Variants in FNDC1 observed in about 807,000 individuals in gnomAD.
FNDC1 encodes the protein fibronectin type III domain-containing protein 1.
Under a neutral mutation model 168.0 loss-of-function variants are expected in FNDC1, and 96 were observed. That is an observed-to-expected ratio of 0.57 (90% CI 0.48 to 0.68). The LOEUF (loss-of-function observed/expected upper bound fraction) is 0.68. Among genes scored for constraint, FNDC1 ranks in the 30% least tolerant of loss-of-function variants. The pLI is 0.00. For synonymous variants in FNDC1, 1,099 were observed against 1,025.9 expected, an observed-to-expected ratio of 1.07 and a Z score of -1.36; for missense variants, 2,587 against 2,482.1, an observed-to-expected ratio of 1.04 and a Z score of -0.90.
chr6:159,214,895 ACT>A lies in FNDC1; in HGVS notation c.461-47_461-46del, dbSNP rs144779484. ...GAAGACCTCATGTGCATGATGGCAA[ACT>A]CTAAGTGGTCTACTGTCTAACCACT... On this transcript the variant is annotated intron_variant, in intron 4 of 22. Transcript: ENST00000297267. 5,220 of 1,561,332 alleles carry A rather than the reference ACT, an allele frequency of 3.3e-3. 169 individuals are homozygous for A. In the African/African-American group the frequency reaches 0.064, roughly 19 times the overall value.
intron 19 of FNDC1, 88 bp from the exon 20 acceptor site, chr6:159,264,887 T>TTA (rs1777557730): frequency 9.5e-7 from 1 of 1,056,268 alleles, no homozygotes; most frequent in Admixed American, 2.8e-5. Flanking sequence ...TCTAATTTGG[T>TTA]TAGCTATTTC....
chr6:159,216,516 C>T (rs567257540), intron 5 of FNDC1, among the ~76,000 whole-genome samples: 11 of 152,300 alleles, frequency 7.2e-5, no homozygotes, highest in South Asian at 2.1e-4. Flanking sequence ...CACGACTTGT[C>T]GACTTATCCC....
chr6:159,233,588 C>T lies in FNDC1; in HGVS notation c.3076C>T (p.Arg1026Trp), dbSNP rs369526486. ...HPGPQSRDAG[R>W]SPSQPRLSLT... ...GGGACCCCAGAGCAGAGACGCGGGT[C>T]GGTCACCTTCCCAGCCCAGGCTCTC... The change falls in exon 11 of 23, where the codon CGG becomes TGG. Residue 1026 changes from arginine (R) to tryptophan (W), a missense_variant. By Grantham distance (101) the Arg-to-Trp change is moderately radical. Transcript: ENST00000297267. The surrounding 1 kb of genome is among the most constrained non-coding windows in gnomAD (Gnocchi z 4.6). 4 of 1,582,246 alleles carry T rather than the reference C, an allele frequency of 2.5e-6. No homozygotes were observed. The highest frequency in any genetic ancestry group is 1.1e-5 in the South Asian group (1 of 87,086).
Position 159,215,141 on chromosome 6 carries a change from T to G in FNDC1, c.657T>G (p.Ile219Met), listed in dbSNP as rs1286996960. Reference sequence around the variant, plus strand: ...CAAGAGATGAACGGACACACGAAATTAAAAAGCTAGGTGAGTTTCATATTC... The same window carrying G: ...CAAGAGATGAACGGACACACGAAATGAAAAAGCTAGGTGAGTTTCATATTC... Reference protein sequence around the residue: ...PLTRDERTHEIKKLASESVYV... With the variant: ...PLTRDERTHEMKKLASESVYV... The change falls in exon 5 of 23, where the codon ATT becomes ATG. Residue 219 changes from isoleucine to methionine, a missense_variant. Transcript: ENST00000297267. 3.7e-6 allele frequency: 6 copies of G among 1,613,626 alleles called. No individual in the cohort carries two copies. Among genetic ancestry groups the G allele is most frequent in the Non-Finnish European group, 5.1e-6 (6 of 1,179,520 alleles).
At position 159,269,303 on chromosome 6, in the gene FNDC1, T is replaced by A. The variant is rs1333118850; in HGVS notation, c.5569+1377T>A. ...ATCTATCTATCTATCCATCCATCCA[T>A]CTATCCTATCTATTTATCTAACTAT... On this transcript the variant is annotated intron_variant, in intron 22 of 22. Transcript: ENST00000297267. Among the ~76,000 whole-genome samples, 63 of 111,446 alleles carry A rather than the reference T, an allele frequency of 5.7e-4. 2 individuals carry two copies. Among genetic ancestry groups the A allele is most frequent in the Non-Finnish European group, 8.7e-4 (42 of 48,356 alleles). 73.1% of individuals were successfully genotyped at this position (111,446 alleles called of 152,430 possible). A position where few individuals can be genotyped will look rare whatever the true frequency, so the allele number is the denominator to read the frequency against.
At position 159,251,532 on chromosome 6, in the gene FNDC1, G is replaced by C. The variant is rs1206921379; in HGVS notation, c.5065G>C (p.Gly1689Arg). The change falls in exon 17 of 23, where the codon GGT becomes CGT. Residue 1689 changes from glycine to arginine, a missense_variant and splice_region_variant. Gly to Arg is a moderately radical substitution (Grantham distance 125). Transcript: ENST00000297267. ...DKATPGDVVT[G>R]YLVYSASYED... The stretch of plus-strand genomic sequence containing the variant: ...AGCCACCCCAGGAGATGTGGTCACA[G>C]GTGTGTCCTAAGCAGAAATCAGAGT... 1 of 1,612,262 alleles carries C rather than the reference G, an allele frequency of 6.2e-7. No homozygotes were observed.
chr6:159,234,500 G>C (rs774391342), intron 11 of FNDC1, 21 bp downstream of exon 11: 2 of 1,611,150 alleles, frequency 1.2e-6, no homozygotes, highest in East Asian at 4.5e-5. Context: ...TTTTCAAACA[G>C]TCTTTCTTTA....
intron 1 of FNDC1, among the ~76,000 whole-genome samples, chr6:159,190,297 C>A (rs1382951449): frequency 6.6e-6 from 1 of 152,200 alleles, no homozygotes; most frequent in Non-Finnish European, 1.5e-5. Flanking sequence ...TCTGGCCTGT[C>A]CCCTGTCCCG....
intron 5 of FNDC1, among the ~76,000 whole-genome samples, chr6:159,217,084 C>T (rs530460915): frequency 6.6e-6 from 1 of 152,332 alleles, no homozygotes; most frequent in South Asian, 2.1e-4. Flanking sequence ...AGAAGGCAGC[C>T]TGGCACCCAT....
At chr6:159,264,365 A>G (rs960564255) in intron 19 of FNDC1, among the ~76,000 whole-genome samples, 1 of 152,198 alleles carries the variant, frequency 6.6e-6, no homozygotes, top group Non-Finnish European at 1.5e-5. Flanking sequence ...GGCTTCTCTC[A>G]CCTAGCATAA....
chr6:159,172,239 ATTGT>A (rs1327764477), intron 1 of FNDC1, among the ~76,000 whole-genome samples: 2 of 152,236 alleles, frequency 1.3e-5, no homozygotes, highest in African/African-American at 2.4e-5. Context: ...CACTGGTGTG[ATTGT>A]TTGTGTTATG....
rs1298973596 is a variant in FNDC1 at position 159,169,587 on chromosome 6, C to A, written c.-10C>A. 1.9e-6 allele frequency: 2 copies of A among 1,080,590 alleles called. No individual in the cohort carries two copies. The highest frequency in any genetic ancestry group is 5.1e-5 in the Admixed American group (1 of 19,468). 66.9% of individuals were successfully genotyped at this position (1,080,590 alleles called of 1,614,324 possible). On this transcript the variant is annotated 5_prime_UTR_variant, in exon 1 of 23. Transcript: ENST00000297267. This position sits in a 1 kb window ranked among gnomAD's most constrained non-coding sequence, Gnocchi z 6.8. ...GCAAGCACCCAGCCCCGGCCCACCC[C>A]GGGCTCTCGATGGCCCCCGAGGCCG...
At chr6:159,222,188 G>A (rs1049354862) in intron 6 of FNDC1, among the ~76,000 whole-genome samples, 1 of 152,110 alleles carries the variant, frequency 6.6e-6, no homozygotes, top group Non-Finnish European at 1.5e-5. Context: ...CATTTCCCAC[G>A]TCCCTTCACA....
chr6:159,255,852 T>C (rs1487263628), intron 17 of FNDC1, among the ~76,000 whole-genome samples: 1 of 152,204 alleles, frequency 6.6e-6, no homozygotes, highest in Non-Finnish European at 1.5e-5. Context: ...GAACTTTACT[T>C]TGCCTCCTGG....
intron 1 of FNDC1, among the ~76,000 whole-genome samples, chr6:159,185,002 T>G (rs1781962084): frequency 7.0e-6 from 1 of 142,900 alleles, no homozygotes; most frequent in Non-Finnish European, 1.5e-5. Flanking sequence ...ATAAATATAC[T>G]TATGGAATTC....
At chr6:159,230,212 TTAC>T (rs1202417599) in intron 10 of FNDC1, among the ~76,000 whole-genome samples, 6 of 152,230 alleles carry the variant, frequency 3.9e-5, no homozygotes, top group African/African-American at 9.6e-5. Context: ...TTGATAACAG[TTAC>T]TATTTCAGTA....
In FNDC1 at chr6:159,225,682, C is replaced by T. The variant is rs1194290768; in HGVS notation, c.1032C>T (p.Gly344=). ...GTATTTCACAGGGTGAAAGAGATGGCAAATGGAGTACGTCAGTCTTCCAAA... is the reference window on the plus strand; with the variant it reads ...GTATTTCACAGGGTGAAAGAGATGGTAAATGGAGTACGTCAGTCTTCCAAA... ...AVRISQGERD[G]KWSTSVFQRT... Residue 344 remains glycine (G), a synonymous_variant, in exon 8 of 23, where the codon GGC becomes GGT. Coordinates refer to ENST00000297267, the MANE Select transcript of FNDC1 (RefSeq NM_032532.3). The T allele has an allele frequency of 1.2e-6, 2 of 1,613,574 alleles. No individual in the cohort carries two copies. The highest frequency in any genetic ancestry group is 1.7e-6 in the Non-Finnish European group (2 of 1,179,618).
rs765488563 is a variant in FNDC1 at position 159,234,487 on chromosome 6, A to AT, written c.3967+14dup. Reference sequence around the variant, plus strand: ...GACCCTCTTACAGACAAGGTAGTTTATTTTTTCAAACAGTCTTTCTTTAAG... The same window carrying AT: ...GACCCTCTTACAGACAAGGTAGTTTATTTTTTTCAAACAGTCTTTCTTTAAG... On this transcript the variant is annotated intron_variant, in intron 11 of 22. Coordinates refer to ENST00000297267, the MANE Select transcript of FNDC1 (RefSeq NM_032532.3). 2 of 1,612,600 alleles carry AT rather than the reference A, an allele frequency of 1.2e-6. No individual in the cohort carries two copies. Among genetic ancestry groups the AT allele is most frequent in the Non-Finnish European group, 1.7e-6 (2 of 1,179,616 alleles).
intron 5 of FNDC1, among the ~76,000 whole-genome samples, chr6:159,220,566 T>A (rs2114974490): frequency 6.6e-6 from 1 of 152,324 alleles, no homozygotes; most frequent in South Asian, 2.1e-4. Context: ...GTCACTCAAT[T>A]GTTAGGGCTT....
Sources: gnomAD v4.1 joint callset for allele counts (sites outside exome capture counted in the v4.1 genomes callset) on GRCh38, gnomAD v4.1.1 for gene constraint, Gnocchi (gnomAD v3.1) non-coding constraint, MANE v1.5 for transcripts, NCBI Gene and HGNC (gene_info 2026-07-23, HGNC 2026-07-21) for gene names.